Variants in ZBTB47 observed in about 807,000 individuals in gnomAD.
ZBTB47 encodes zinc finger and BTB domain-containing protein 47.
In ZBTB47, 24 loss-of-function variants were observed where a neutral mutation model predicts 56.6. The observed-to-expected ratio is 0.42, with a 90% CI of 0.31 to 0.60. The LOEUF (loss-of-function observed/expected upper bound fraction) is 0.60. Ranked by LOEUF, ZBTB47 falls within the 20% of genes least tolerant of loss-of-function variation. The pLI is 0.14. For synonymous variants in ZBTB47, 414 were observed against 418.9 expected (o/e 0.99, Z 0.14); for missense variants, 829 against 1,032.6 (o/e 0.80, Z 2.70).
rs1373750107 is a variant in ZBTB47 at position 42,667,351 on chromosome 3, A to G, written c.*2753A>G. On this transcript the variant is annotated 3_prime_UTR_variant, in exon 6 of 6. Coordinates refer to ENST00000232974, the MANE Select transcript of ZBTB47 (RefSeq NM_145166.4). ...TGGCGATGGGTGGCTAGAGTGATGA[A>G]CTCAAGCCCTGTGGCCACAGTTCTG... 1.3e-5 allele frequency among the ~76,000 whole-genome samples: 2 copies of G among 152,100 alleles called. No homozygotes were observed. The highest frequency in any genetic ancestry group is 4.8e-5 in the African/African-American group (2 of 41,418).
Position 42,663,193 on chromosome 3 carries a change from G to T in ZBTB47, c.1737+66G>T. 8.1e-7 allele frequency: 1 copy of T among 1,238,998 alleles called. No individual in the cohort carries two copies. Among genetic ancestry groups the T allele is most frequent in the South Asian group, 1.2e-5 (1 of 82,954 alleles). The allele number at this position is 1,238,998 out of a possible 1,614,324, so 76.8% of individuals were successfully genotyped here. A position where few individuals can be genotyped will look rare whatever the true frequency, so the allele number is the denominator to read the frequency against. On this transcript the variant is annotated intron_variant, in intron 4 of 5. Transcript: ENST00000232974. This position sits in a 1 kb window ranked among gnomAD's most constrained non-coding sequence, Gnocchi z 5.1. ...CTGGGAGGGGCAGGAATCAGGGAGC[G>T]CAGCTGCTGAAAAACAAAGGGCTAG...
chr3:42,658,194 C>T, intron 1 of ZBTB47, 81 bp from the exon 2 acceptor site: 4 of 1,386,540 alleles, frequency 2.9e-6, no homozygotes, highest in Non-Finnish European at 3.8e-6. Context: ...GGATGGCTGG[C>T]AATGCTGGGA....
Position 42,664,514 on chromosome 3 carries a change from G to GCCGCCC in ZBTB47, c.2168_2173dup (p.Pro723_Pro724dup). ...TGCTCCCGGGGCTGCCCCAGACCCT[G>GCCGCCC]CCGCCCCCGCCCCACCTGCCGCCCC... On this transcript the variant is annotated inframe_insertion, in exon 6 of 6. Coordinates refer to ENST00000232974, the MANE Select transcript of ZBTB47 (RefSeq NM_145166.4). 1 of 1,379,846 alleles carries GCCGCCC rather than the reference G, an allele frequency of 7.2e-7. No homozygotes were observed. Among genetic ancestry groups the GCCGCCC allele is most frequent in the African/African-American group, 1.7e-5 (1 of 59,450 alleles). 85.5% of individuals were successfully genotyped at this position (1,379,846 alleles called of 1,614,324 possible). A position where few individuals can be genotyped will look rare whatever the true frequency, so the allele number is the denominator to read the frequency against.
chr3:42,662,252 G>C (rs1016573100), intron 3 of ZBTB47, among the ~76,000 whole-genome samples: 2 of 152,204 alleles, frequency 1.3e-5, no homozygotes, highest in African/African-American at 2.4e-5. Flanking sequence ...TGGGCCTTGA[G>C]GGGGAGGGGT....
Position 42,663,922 on chromosome 3 carries a change from G to A in ZBTB47, c.1863G>A (p.Glu621=). The change falls in exon 5 of 6, where the codon GAG becomes GAA. Residue 621 remains glutamate, a synonymous_variant. Transcript: ENST00000232974. This position sits in a 1 kb window ranked among gnomAD's most constrained non-coding sequence, Gnocchi z 5.1. ...TCAACATGAAGCAGTACTTCGATGA[G>A]CACATGAAGACCCACACAGGTGCGG... ...KDFNMKQYFD[E]HMKTHTGEKP... is the part of the protein sequence containing the mutation. The A allele has an allele frequency of 6.2e-7, 1 of 1,612,850 alleles. No individual in the cohort carries two copies. Among genetic ancestry groups the A allele is most frequent in the South Asian group, 1.1e-5 (1 of 90,874 alleles).
At chr3:42,655,312 T>G (rs1710628158) in intron 1 of ZBTB47, among the ~76,000 whole-genome samples, 1 of 151,936 alleles carries the variant, frequency 6.6e-6, no homozygotes, top group Non-Finnish European at 1.5e-5. Context: ...ATAGAAAGAA[T>G]TGACATGGGA....
rs1372804327 is a variant in ZBTB47, at chr3:42,653,722, CT to C, written c.-242del. 6.6e-6 allele frequency: 1 copy of C among 152,568 alleles called. No individual in the cohort carries two copies. Among genetic ancestry groups the C allele is most frequent in the Non-Finnish European group, 1.5e-5 (1 of 68,302 alleles). 9.5% of individuals were successfully genotyped at this position (152,568 alleles called of 1,614,324 possible). ...ACTCAGCAGTGGTCAGGTCACACGG[CT>C]AGAGGGGCACAGTGGGGCCTGGGCC... On this transcript the variant is annotated 5_prime_UTR_variant, in exon 1 of 6. Coordinates refer to ENST00000232974, the MANE Select transcript of ZBTB47 (RefSeq NM_145166.4).
rs1710797948 is a variant in ZBTB47, at chr3:42,667,120, C to T, written c.*2522C>T. On this transcript the variant is annotated 3_prime_UTR_variant, in exon 6 of 6. Coordinates refer to ENST00000232974, the MANE Select transcript of ZBTB47 (RefSeq NM_145166.4). Reference sequence around the variant, plus strand: ...AAACAACACAAAAAAACAATGTGCCCCCAGATGTCAGAATGAGGCGACTAG... The same window carrying T: ...AAACAACACAAAAAAACAATGTGCCTCCAGATGTCAGAATGAGGCGACTAG... Among the ~76,000 whole-genome samples, 1 of 152,228 alleles carries T rather than the reference C, an allele frequency of 6.6e-6. No homozygotes were observed. Among genetic ancestry groups the T allele is most frequent in the South Asian group, 2.1e-4 (1 of 4,830 alleles).
Position 42,664,231 on chromosome 3 carries a change from C to G in ZBTB47, c.1883-6C>G. On this transcript the variant is annotated splice_polypyrimidine_tract_variant and splice_region_variant and intron_variant, in intron 5 of 5. Coordinates refer to ENST00000232974, the MANE Select transcript of ZBTB47 (RefSeq NM_145166.4). ...TGACGCCCTGCTGCCCACCCCCAAC[C>G]CCCAGGAGAGAAGCCGTACATCTGC... The G allele has an allele frequency of 6.2e-7, 1 of 1,613,408 alleles. No individual in the cohort carries two copies. The highest frequency in any genetic ancestry group is 8.5e-7 in the Non-Finnish European group (1 of 1,179,660).
chr3:42,663,001 C>T lies in ZBTB47; in HGVS notation c.1622-11C>T, dbSNP rs1445282190. The T allele has an allele frequency of 8.1e-6, 13 of 1,605,752 alleles. No individual in the cohort carries two copies. The highest frequency in any genetic ancestry group is 3.3e-4 in the Middle Eastern group (2 of 6,034). On this transcript the variant is annotated splice_polypyrimidine_tract_variant and intron_variant, in intron 3 of 5. Transcript: ENST00000232974. The surrounding 1 kb of genome is among the most constrained non-coding windows in gnomAD (Gnocchi z 5.1). ...CCGTAAAACATGATGGCCCTGGTGC[C>T]CACCTCGTAGCCCACACCAAGGACA...
At position 42,659,189 on chromosome 3, in the gene ZBTB47, G is replaced by GGAGGAGGAGGACGAC. The variant is rs778053340; in HGVS notation, c.846_860dup (p.Asp282_Glu286dup). 8 of 1,500,374 alleles carry GGAGGAGGAGGACGAC rather than the reference G, an allele frequency of 5.3e-6. No homozygotes were observed. Among genetic ancestry groups the GGAGGAGGAGGACGAC allele is most frequent in the African/African-American group, 4.2e-5 (3 of 71,812 alleles). The allele number at this position is 1,500,374 out of a possible 1,614,324, so 92.9% of individuals were successfully genotyped here. On this transcript the variant is annotated inframe_insertion, in exon 2 of 6. Transcript: ENST00000232974. ...ACGGGCTGCAGAGACACTCGGACGA[G>GGAGGAGGAGGACGAC]GAGGAGGAGGACGACGAGGAGGAGG...
In ZBTB47 at chr3:42,663,192, C is replaced by T. The variant is rs1300772588; in HGVS notation, c.1737+65C>T. 18 of 1,242,980 alleles carry T rather than the reference C, an allele frequency of 1.4e-5. No homozygotes were observed. Among genetic ancestry groups the T allele is most frequent in the Admixed American group, 5.1e-5 (3 of 58,900 alleles). The allele number at this position is 1,242,980 out of a possible 1,614,324, so 77.0% of individuals were successfully genotyped here. A position where few individuals can be genotyped will look rare whatever the true frequency, so the allele number is the denominator to read the frequency against. On this transcript the variant is annotated intron_variant, in intron 4 of 5. Coordinates refer to ENST00000232974, the MANE Select transcript of ZBTB47 (RefSeq NM_145166.4). The surrounding 1 kb of genome is among the most constrained non-coding windows in gnomAD (Gnocchi z 5.1). Reference sequence around the variant, plus strand: ...CCTGGGAGGGGCAGGAATCAGGGAGCGCAGCTGCTGAAAAACAAAGGGCTA... The same window carrying T: ...CCTGGGAGGGGCAGGAATCAGGGAGTGCAGCTGCTGAAAAACAAAGGGCTA...
In ZBTB47 at chr3:42,659,127, G is replaced by T; in HGVS notation, c.772G>T (p.Gly258Trp). Residue 258 changes from glycine to tryptophan, a missense_variant, in exon 2 of 6, where the codon GGG (glycine) becomes TGG (tryptophan). By Grantham distance (184) the Gly-to-Trp change is radical (BLOSUM62 -2). Transcript: ENST00000232974. ...STGPEGKPGAGPSPATVVLGR... is the reference protein window; with the variant it reads ...STGPEGKPGAWPSPATVVLGR... ...GGGGCCAGAGGGGAAGCCAGGTGCC[G>T]GGCCAAGCCCAGCCACCGTGGTTCT... is the stretch of plus-strand genomic sequence containing the variant. 4 of 1,499,128 alleles carry T rather than the reference G, an allele frequency of 2.7e-6. No individual in the cohort carries two copies. The highest frequency in any genetic ancestry group is 3.5e-6 in the Non-Finnish European group (4 of 1,127,230). 92.9% of individuals were successfully genotyped at this position (1,499,128 alleles called of 1,614,324 possible).
At position 42,663,727 on chromosome 3, in the gene ZBTB47, G is replaced by C; in HGVS notation, c.1738-70G>C. Reference sequence around the variant, plus strand: ...CCTCCTTGGCCCTGTGGCCACAGGGGAGCTGTTCCCTCCACAAAGGCTGCT... The same window carrying C: ...CCTCCTTGGCCCTGTGGCCACAGGGCAGCTGTTCCCTCCACAAAGGCTGCT... On this transcript the variant is annotated intron_variant, in intron 4 of 5. Coordinates refer to ENST00000232974, the MANE Select transcript of ZBTB47 (RefSeq NM_145166.4). The surrounding 1 kb of genome is among the most constrained non-coding windows in gnomAD (Gnocchi z 5.1). 6.3e-7 allele frequency: 1 copy of C among 1,578,998 alleles called. No individual in the cohort carries two copies. The highest frequency in any genetic ancestry group is 8.6e-7 in the Non-Finnish European group (1 of 1,156,098).
Position 42,654,610 on chromosome 3 carries a change from G to T in ZBTB47, c.-82+727G>T, listed in dbSNP as rs1296045437. ...CTGCGCGGGGGCGGCCCCCAGCGCG[G>T]CGCTTCATGGAGCGGCCCTGGCCTG... On this transcript the variant is annotated intron_variant, in intron 1 of 5. Coordinates refer to ENST00000232974, the MANE Select transcript of ZBTB47 (RefSeq NM_145166.4). This position sits in a 1 kb window ranked among gnomAD's most constrained non-coding sequence, Gnocchi z 5.0. The T allele has an allele frequency of 1.1e-6, 1 of 941,708 alleles. No homozygotes were observed. The highest frequency in any genetic ancestry group is 1.3e-6 in the Non-Finnish European group (1 of 791,252). 58.3% of individuals were successfully genotyped at this position (941,708 alleles called of 1,614,324 possible).
rs1343074142 is a variant in ZBTB47, at chr3:42,658,604, G to A, written c.249G>A (p.Ala83=). Residue 83 remains alanine (A), a synonymous_variant, in exon 2 of 6, where the codon GCG becomes GCA. Coordinates refer to ENST00000232974, the MANE Select transcript of ZBTB47 (RefSeq NM_145166.4). ...ATACGTCCAAGCTGCTGGTCAACGC[G>A]GCCAACGTCCACGAGGTGCTCAGCG... is the stretch of plus-strand genomic sequence containing the variant. ...FIYTSKLLVN[A]ANVHEVLSAA... 8.5e-6 allele frequency: 13 copies of A among 1,536,924 alleles called. No individual in the cohort carries two copies. Among genetic ancestry groups the A allele is most frequent in the Admixed American group, 2.0e-5 (1 of 50,990 alleles).
At chr3:42,657,022 G>A (rs1710647304) in intron 1 of ZBTB47, among the ~76,000 whole-genome samples, 1 of 152,218 alleles carries the variant, frequency 6.6e-6, no homozygotes, top group South Asian at 2.1e-4. Context: ...GCCAGAACTT[G>A]GAACCAGTGG....
chr3:42,653,312 G>T (rs1484859101), upstream of ZBTB47, among the ~76,000 whole-genome samples: 1 of 152,192 alleles, frequency 6.6e-6, no homozygotes, highest in African/African-American at 2.4e-5. Flanking sequence ...CTGCCCACTC[G>T]TGAGTAGGAC....
At position 42,659,207 on chromosome 3, in the gene ZBTB47, G is replaced by T; in HGVS notation, c.852G>T (p.Glu284Asp). The change falls in exon 2 of 6, where the codon GAG becomes GAT. Residue 284 changes from glutamate (E) to aspartate (D), a missense_variant. Glu to Asp is a conservative substitution (Grantham distance 45). Coordinates refer to ENST00000232974, the MANE Select transcript of ZBTB47 (RefSeq NM_145166.4). Reference protein sequence around the residue: ...RHSDEEEEDDEEEEEEEEEEE... With the variant: ...RHSDEEEEDDDEEEEEEEEEE... ...CGGACGAGGAGGAGGAGGACGACGA[G>T]GAGGAGGAGGAGGAAGAAGAGGAAG... 1 of 1,440,762 alleles carries T rather than the reference G, an allele frequency of 6.9e-7. No individual in the cohort carries two copies. Among genetic ancestry groups the T allele is most frequent in the Non-Finnish European group, 9.2e-7 (1 of 1,084,522 alleles). 89.2% of individuals were successfully genotyped at this position (1,440,762 alleles called of 1,614,324 possible).
Sources: allele counts gnomAD v4.1 joint callset (sites outside exome capture counted in the v4.1 genomes callset), GRCh38; gene constraint gnomAD v4.1.1; non-coding constraint Gnocchi (gnomAD v3.1); transcripts MANE v1.5; gene names NCBI Gene and HGNC (gene_info 2026-07-23, HGNC 2026-07-21).